The following LDLRAD4 variants were observed in gnomAD, a reference collection of about 807,000 sequenced individuals.
LDLRAD4 encodes low-density lipoprotein receptor class A domain-containing protein 4.
LDLRAD4 carries 5 observed loss-of-function variants against 17.0 expected under a neutral mutation model. The ratio of observed to expected loss-of-function variants is 0.29; its 90% CI spans 0.15 to 0.62. The LOEUF is 0.62. Among genes scored for constraint, LDLRAD4 ranks in the 20% least tolerant of loss-of-function variants. LDLRAD4 has a pLI of 0.84. For missense variants in LDLRAD4, 340 were observed against 424.7 expected (o/e 0.80, Z 1.75); for synonymous variants, 168 against 171.8 (o/e 0.98, Z 0.17).
Position 13,456,274 on chromosome 18 carries a change from T to A in LDLRAD4, c.181+17890T>A, listed in dbSNP as rs186478703. 7.2e-5 allele frequency among the ~76,000 whole-genome samples: 11 copies of A among 152,078 alleles called. No individual in the cohort carries two copies. The East Asian group carries it at 1.9e-3, about 27-fold the overall frequency. On this transcript the variant is annotated intron_variant, in intron 3 of 5. Coordinates refer to ENST00000359446, the Ensembl canonical transcript of LDLRAD4. ...AGTGGGAGCCTGAGTGTTAGCATGG[T>A]CCCCCCGCCGTCTGCCTGCCTTCCT...
At chr18:13,589,578 T>TA (rs1294987449) in intron 3 of LDLRAD4, among the ~76,000 whole-genome samples, 1 of 152,182 alleles carries the variant, frequency 6.6e-6, no homozygotes, top group East Asian at 1.9e-4. Flanking sequence ...GAGTCAGCCC[T>TA]GGATGAGACC....
At chr18:13,396,695 T>C (rs2086724753) in intron 2 of LDLRAD4, among the ~76,000 whole-genome samples, 1 of 151,936 alleles carries the variant, frequency 6.6e-6, no homozygotes, top group Non-Finnish European at 1.5e-5. Context: ...GTTGCCTAGG[T>C]TGGTCTCAAA....
chr18:13,571,046 C>G (rs1194678352), intron 3 of LDLRAD4, among the ~76,000 whole-genome samples: 7 of 152,036 alleles, frequency 4.6e-5, no homozygotes, highest in African/African-American at 1.7e-4. Context: ...CCTCAAACTC[C>G]TGGCCTCAAG....
chr18:13,354,801 G>T (rs2083243390), intron 1 of LDLRAD4, among the ~76,000 whole-genome samples: 2 of 152,168 alleles, frequency 1.3e-5, no homozygotes, highest in Admixed American at 1.3e-4. Context: ...GGCACTGAGG[G>T]CAAGGGCTTG....
chr18:13,557,680 G>A (rs1000391215), intron 3 of LDLRAD4, among the ~76,000 whole-genome samples: 4 of 152,214 alleles, frequency 2.6e-5, no homozygotes, highest in African/African-American at 7.2e-5. Context: ...GATTACAGGC[G>A]TGAGCCACCA....
intron 3 of LDLRAD4, among the ~76,000 whole-genome samples, chr18:13,593,774 CTCTT>C (rs2095058273): frequency 6.6e-6 from 1 of 152,110 alleles, no homozygotes. Context: ...ACCCTCCTCC[CTCTT>C]TATTTGTTTG....
rs1623351 is a variant in LDLRAD4 at position 13,557,403 on chromosome 18, A to G, written c.182-63714A>G. 2.6e-5 allele frequency among the ~76,000 whole-genome samples: 4 copies of G among 152,084 alleles called. No homozygotes were observed. The East Asian group carries it at 7.7e-4, about 29-fold the overall frequency. On this transcript the variant is annotated intron_variant, in intron 3 of 5. Transcript: ENST00000359446. Reference sequence around the variant, plus strand: ...GTGCCTAAGGATGGTTTCTTTAGACAAAGCCTTTTTTTTTTGAGATTGAGT... The same window carrying G: ...GTGCCTAAGGATGGTTTCTTTAGACGAAGCCTTTTTTTTTTGAGATTGAGT...
chr18:13,540,211 T>A (rs573406151), intron 3 of LDLRAD4, among the ~76,000 whole-genome samples: 74 of 152,348 alleles, frequency 4.9e-4, no homozygotes, highest in African/African-American at 1.8e-3. Context: ...ATACAAGTTT[T>A]AAAAAAACTA....
chr18:13,403,532 A>G (rs927231122), intron 2 of LDLRAD4, among the ~76,000 whole-genome samples: 4 of 152,198 alleles, frequency 2.6e-5, no homozygotes, highest in African/African-American at 9.6e-5. Flanking sequence ...GAAACCCACA[A>G]CGCTGTGTGA....
chr18:13,612,457 C>A (rs888653489), intron 3 of LDLRAD4: 1 of 1,287,230 alleles, frequency 7.8e-7, no homozygotes, highest in Admixed American at 3.6e-5. Flanking sequence ...CCACAGTCTG[C>A]GGTCGGAGCC....
chr18:13,264,397 T>C (rs892309967), intron 1 of LDLRAD4, among the ~76,000 whole-genome samples: 5 of 152,238 alleles, frequency 3.3e-5, no homozygotes, highest in African/African-American at 1.2e-4. Flanking sequence ...GCTTGGCCAA[T>C]GTTCAACAGT....
chr18:13,292,257 T>C (rs905681561), intron 1 of LDLRAD4, among the ~76,000 whole-genome samples: 1 of 152,236 alleles, frequency 6.6e-6, no homozygotes, highest in Non-Finnish European at 1.5e-5. Flanking sequence ...TGCACCTTGC[T>C]GTGCTCATAG....
intron 1 of LDLRAD4, among the ~76,000 whole-genome samples, chr18:13,270,845 A>G (rs910086081): frequency 3.9e-5 from 6 of 152,242 alleles, no homozygotes; most frequent in African/African-American, 1.4e-4. Context: ...TTGTTTTTAG[A>G]AATTAAAAAG....
At chr18:13,259,856 T>C (rs1012800917) in intron 1 of LDLRAD4, among the ~76,000 whole-genome samples, 4 of 152,288 alleles carry the variant, frequency 2.6e-5, no homozygotes, top group Non-Finnish European at 4.4e-5. Context: ...CCCCACTGGG[T>C]GCGCAGGGCA....
At chr18:13,401,861 ATCC>A (rs751339953) in intron 2 of LDLRAD4, among the ~76,000 whole-genome samples, 5 of 152,118 alleles carry the variant, frequency 3.3e-5, no homozygotes, top group Non-Finnish European at 7.4e-5. Flanking sequence ...GCTGGAAGTT[ATCC>A]TCATGCTTCC....
At chr18:13,515,857 G>C (rs2093857585) in intron 3 of LDLRAD4, 1 of 152,188 alleles carries the variant, frequency 6.6e-6, no homozygotes. Context: ...CCAGGCTGGA[G>C]TGCAACCTGG....
intron 1 of LDLRAD4, among the ~76,000 whole-genome samples, chr18:13,252,548 A>G (rs1160993262): frequency 6.6e-6 from 1 of 152,210 alleles, no homozygotes; most frequent in Non-Finnish European, 1.5e-5. Context: ...TGATGCACAA[A>G]TGATGAACTT....
At chr18:13,594,640 T>A in intron 3 of LDLRAD4, among the ~76,000 whole-genome samples, 1 of 103,602 alleles carries the variant, frequency 9.7e-6, no homozygotes, top group Non-Finnish European at 1.8e-5. Flanking sequence ...TGCTCCAGCC[T>A]GGGTGACAGA....
intron 1 of LDLRAD4, among the ~76,000 whole-genome samples, chr18:13,339,116 C>A (rs1394190142): frequency 6.6e-6 from 1 of 151,904 alleles, no homozygotes; most frequent in East Asian, 1.9e-4. Flanking sequence ...CAGCTTGAGG[C>A]TTTCACTGAT....
Sources: allele counts gnomAD v4.1 joint callset (sites outside exome capture counted in the v4.1 genomes callset), GRCh38; gene constraint gnomAD v4.1.1; transcripts MANE v1.5; gene names NCBI Gene and HGNC (gene_info 2026-07-23, HGNC 2026-07-21).